The following CCDC66 variants were observed in gnomAD, a reference collection of about 807,000 sequenced individuals.
The protein encoded by CCDC66 is coiled-coil domain-containing protein 66.
Under a neutral mutation model 128.3 loss-of-function variants are expected in CCDC66, and 133 were observed. The ratio of observed to expected loss-of-function variants is 1.04; its 90% CI spans 0.90 to 1.20. The LOEUF (loss-of-function observed/expected upper bound fraction) is 1.20, where lower values mean the gene tolerates loss of function less well. Ranked by LOEUF, CCDC66 falls within the 50% of genes most tolerant of loss-of-function variation. The pLI is 0.00. For synonymous variants in CCDC66, 387 were observed against 357.0 expected (o/e 1.08, Z -0.95); for missense variants, 1,126 against 1,075.5 (o/e 1.05, Z -0.66).
intron 10 of CCDC66, among the ~76,000 whole-genome samples, chr3:56,594,292 C>T (rs1293923515): frequency 7.9e-6 from 1 of 126,334 alleles, no homozygotes; most frequent in East Asian, 2.0e-4. Context: ...TAGGTTAGTA[C>T]TGGTTTTTTT....
intron 7 of CCDC66, 152 bp from the exon 8 acceptor site, chr3:56,592,818 T>C: frequency 1.4e-6 from 1 of 691,844 alleles, no homozygotes; most frequent in Non-Finnish European, 2.5e-6. Context: ...TACTTAATTC[T>C]TTGAATTCAA....
chr3:56,600,112 T>C (rs2072882380), intron 10 of CCDC66, among the ~76,000 whole-genome samples: 1 of 151,806 alleles, frequency 6.6e-6, no homozygotes, highest in Non-Finnish European at 1.5e-5. Context: ...TCCAAGTCTT[T>C]GCTGTAGTGC....
intron 13 of CCDC66, chr3:56,616,858 T>TC (rs1246277909): frequency 3.7e-5 from 13 of 353,028 alleles, no homozygotes; most frequent in Non-Finnish European, 5.0e-5. Flanking sequence ...GGTTTGCATT[T>TC]CCCCCCCAGT....
Position 56,593,593 on chromosome 3 carries a change from T to C in CCDC66, c.1171T>C (p.Tyr391His), listed in dbSNP as rs868643695. The change falls in exon 9 of 18, where the codon TAC (tyrosine) becomes CAC (histidine). Residue 391 changes from tyrosine (Y) to histidine (H), a missense_variant. Physicochemically the swap from Tyr to His is moderately conservative, Grantham distance 83. Coordinates refer to ENST00000394672, the MANE Select transcript of CCDC66 (RefSeq NM_001141947.3). ...FSQSTHKQPE[Y>H]FCVSPDTQEL... ...TCAGTCAACACACAAACAACCTGAG[T>C]ACTTCTGTGTCTCTCCTGACACTCA... The C allele has an allele frequency of 6.2e-7, 1 of 1,614,208 alleles. No homozygotes were observed. Among genetic ancestry groups the C allele is most frequent in the African/African-American group, 1.3e-5 (1 of 75,048 alleles).
At chr3:56,559,636 A>T in intron 3 of CCDC66, 42 bp downstream of exon 3, 1 of 1,473,024 alleles carries the variant, frequency 6.8e-7, no homozygotes, top group Non-Finnish European at 9.1e-7. Context: ...TCAAATGTAA[A>T]ATGCAGTTTT....
chr3:56,576,893 G>T (rs1262088264), intron 7 of CCDC66, among the ~76,000 whole-genome samples: 2 of 151,810 alleles, frequency 1.3e-5, no homozygotes, highest in Non-Finnish European at 2.9e-5. Flanking sequence ...GTATGCATGT[G>T]TCTTCATAGC....
rs62255965 is a variant in CCDC66 at position 56,557,180 on chromosome 3, G to A, written c.-63G>A. 5 of 1,550,120 alleles carry A rather than the reference G, an allele frequency of 3.2e-6. No homozygotes were observed. Among genetic ancestry groups the A allele is most frequent in the East Asian group, 2.4e-5 (1 of 40,876 alleles). The stretch of plus-strand genomic sequence containing the variant: ...CAATTGGCGTAGCGCTTGCTGAGCG[G>A]CGGCGGCAACCGACGTACACAAGGG... On this transcript the variant is annotated 5_prime_UTR_variant, in exon 1 of 18. Coordinates refer to ENST00000394672, the MANE Select transcript of CCDC66 (RefSeq NM_001141947.3).
chr3:56,588,818 T>C (rs1001488816), intron 7 of CCDC66, among the ~76,000 whole-genome samples: 1 of 152,210 alleles, frequency 6.6e-6, no homozygotes, highest in Admixed American at 6.5e-5. Flanking sequence ...TTAGAAAATA[T>C]TTTTAACTGA....
intron 7 of CCDC66, among the ~76,000 whole-genome samples, chr3:56,587,569 C>G (rs1001279651): frequency 6.6e-6 from 1 of 152,096 alleles, no homozygotes; most frequent in Admixed American, 6.5e-5. Context: ...TGTGGAGATT[C>G]CTTAAAGAAC....
rs2076668930 is a variant in CCDC66 at position 56,621,792 on chromosome 3, A to ATACT, written c.*176_*179dup. 1 of 272,496 alleles carries ATACT rather than the reference A, an allele frequency of 3.7e-6. No individual in the cohort carries two copies. The highest frequency in any genetic ancestry group is 6.8e-6 in the Non-Finnish European group (1 of 147,648). 16.9% of individuals were successfully genotyped at this position (272,496 alleles called of 1,614,324 possible). A position where few individuals can be genotyped will look rare whatever the true frequency, so the allele number is the denominator to read the frequency against. ...GTACTTGTTCTATACAATAAAACAG[A>ATACT]TACTTCTTTTGTAAAAGCTTAGTAG... On this transcript the variant is annotated 3_prime_UTR_variant, in exon 18 of 18. Coordinates refer to ENST00000394672, the MANE Select transcript of CCDC66 (RefSeq NM_001141947.3).
intron 1 of CCDC66, 57 bp downstream of exon 1, chr3:56,557,310 G>T: frequency 1.3e-6 from 2 of 1,544,424 alleles, no homozygotes; most frequent in South Asian, 2.4e-5. Context: ...TCAGCGGAGA[G>T]GGAGGCATGT....
chr3:56,590,547 C>G (rs915066341), intron 7 of CCDC66, among the ~76,000 whole-genome samples: 35 of 152,016 alleles, frequency 2.3e-4, no homozygotes, highest in African/African-American at 8.0e-4. Flanking sequence ...TTCTTGAGCC[C>G]AGGAGTTCAA....
chr3:56,608,601 A>G (rs2074386490), intron 10 of CCDC66, among the ~76,000 whole-genome samples: 1 of 46,482 alleles, frequency 2.2e-5, no homozygotes, highest in Non-Finnish European at 5.9e-5. Context: ...GTTTGTTTCA[A>G]TTTCATTTAG....
intron 7 of CCDC66, among the ~76,000 whole-genome samples, chr3:56,581,322 G>A (rs2068330069): frequency 6.6e-6 from 1 of 151,752 alleles, no homozygotes; most frequent in South Asian, 2.1e-4. Context: ...CTTTTTTCAA[G>A]GTTTTTAGCT....
At chr3:56,607,817 A>G (rs2074278631) in intron 10 of CCDC66, among the ~76,000 whole-genome samples, 2 of 152,144 alleles carry the variant, frequency 1.3e-5, no homozygotes, top group African/African-American at 4.8e-5. Context: ...TGTCCCTTGT[A>G]TGCTGATTTT....
chr3:56,576,731 T>G (rs906694989), intron 7 of CCDC66, among the ~76,000 whole-genome samples: 1 of 151,616 alleles, frequency 6.6e-6, no homozygotes, highest in Non-Finnish European at 1.5e-5. Context: ...ACAAAGGACA[T>G]GAACTCATCT....
intron 1 of CCDC66, 136 bp from the exon 2 acceptor site, chr3:56,558,710 A>G: frequency 1.4e-6 from 1 of 710,478 alleles, no homozygotes; most frequent in Non-Finnish European, 2.5e-6. Context: ...TAATTAAAAC[A>G]CTGGTTCGAT....
chr3:56,569,947 G>C (rs2107833193), intron 6 of CCDC66: 1 of 152,306 alleles, frequency 6.6e-6, no homozygotes, highest in South Asian at 2.1e-4. Context: ...TGATTCTCCT[G>C]CCTCAGCCTC....
chr3:56,613,772 G>A (rs760421437), intron 11 of CCDC66, 22 bp downstream of exon 11: 3 of 1,586,050 alleles, frequency 1.9e-6, no homozygotes, highest in South Asian at 1.1e-5. Flanking sequence ...CATTCTAATT[G>A]TAACTTTGGT....
Sources: gnomAD v4.1 joint callset for allele counts (sites outside exome capture counted in the v4.1 genomes callset) on GRCh38, gnomAD v4.1.1 for gene constraint, MANE v1.5 for transcripts, NCBI Gene and HGNC (gene_info 2026-07-23, HGNC 2026-07-21) for gene names.